Variants in TMED3 observed in about 807,000 individuals in gnomAD.
The protein encoded by TMED3 is transmembrane p24 trafficking protein 3.
In TMED3, 9 loss-of-function variants were observed where a neutral mutation model predicts 15.0. The ratio of observed to expected loss-of-function variants is 0.60; its 90% CI spans 0.36 to 1.04. The LOEUF (loss-of-function observed/expected upper bound fraction) is 1.04. TMED3 is among the 50% of genes least tolerant of loss of function. TMED3 has a pLI of 0.01. For missense variants in TMED3, 267 were observed against 278.9 expected, an observed-to-expected ratio of 0.96 and a Z score of 0.30; for synonymous variants, 117 against 121.4, an observed-to-expected ratio of 0.96 and a Z score of 0.24.
intron 2 of TMED3, among the ~76,000 whole-genome samples, chr15:79,398,056 C>G (rs570846340): frequency 6.6e-6 from 1 of 152,252 alleles, no homozygotes; most frequent in African/African-American, 2.4e-5. Context: ...TGGTTTTGGA[C>G]AAATGCATAA....
chr15:79,338,703 A>C (rs1233538869), intron 2 of TMED3, among the ~76,000 whole-genome samples: 4 of 152,160 alleles, frequency 2.6e-5, no homozygotes, highest in African/African-American at 9.7e-5. Flanking sequence ...CAGGCCATAC[A>C]GAGATAAGAG....
chr15:79,313,192 A>C (rs1394553022), intron 1 of TMED3, among the ~76,000 whole-genome samples: 1 of 152,110 alleles, frequency 6.6e-6, no homozygotes, highest in Non-Finnish European at 1.5e-5. Context: ...TCTTGTGTTA[A>C]GTATTGAACA....
chr15:79,339,282 T>C (rs1204346294), intron 2 of TMED3, among the ~76,000 whole-genome samples: 1 of 152,142 alleles, frequency 6.6e-6, no homozygotes, highest in Non-Finnish European at 1.5e-5. Context: ...TCCTGCCCCT[T>C]TGTCTTGTAT....
chr15:79,364,760 C>A (rs1388837266), intron 2 of TMED3, among the ~76,000 whole-genome samples: 1 of 151,676 alleles, frequency 6.6e-6, no homozygotes. Context: ...GATGGCCAAA[C>A]TCTAGGGGCA....
intron 2 of TMED3, among the ~76,000 whole-genome samples, chr15:79,404,355 G>A (rs569570682): frequency 6.6e-6 from 1 of 152,292 alleles, no homozygotes; most frequent in African/African-American, 2.4e-5. Flanking sequence ...ACATTTAGCT[G>A]CATCAGTAGT....
intron 2 of TMED3, chr15:79,383,071 T>G: frequency 4.6e-6 from 7 of 1,510,686 alleles, no homozygotes; most frequent in Non-Finnish European, 5.3e-6. Context: ...CTGTGCATGC[T>G]CCACGGGACA....
At chr15:79,342,717 T>TAGTC (rs1263599768) in intron 2 of TMED3, among the ~76,000 whole-genome samples, 1 of 152,142 alleles carries the variant, frequency 6.6e-6, no homozygotes, top group Non-Finnish European at 1.5e-5. Context: ...CACAAAAGAT[T>TAGTC]AGTCATCTTA....
intron 1 of TMED3, among the ~76,000 whole-genome samples, chr15:79,313,121 A>G (rs190940670): frequency 4.3e-4 from 66 of 152,336 alleles, no homozygotes; most frequent in Admixed American, 1.0e-3. Flanking sequence ...GAATAAAGTA[A>G]CTTGTCTAGG....
Position 79,366,440 on chromosome 15 carries a change from C to G in TMED3, c.418-44960C>G, listed in dbSNP as rs528086197. Among the ~76,000 whole-genome samples, 10 of 152,318 alleles carry G rather than the reference C, an allele frequency of 6.6e-5. No individual in the cohort carries two copies. The South Asian group carries it at 2.1e-3, about 32-fold the overall frequency. ...CTGGCCCAGATAGTCACCGCTCATC[C>G]GCAACATTTAGTTTCTATAGAGAAC... On this transcript the variant is annotated intron_variant, in intron 2 of 2. Coordinates refer to the TMED3 transcript ENST00000424155.
At chr15:79,404,077 T>C (rs539451046) in intron 2 of TMED3, among the ~76,000 whole-genome samples, 2 of 152,220 alleles carry the variant, frequency 1.3e-5, no homozygotes, top group South Asian at 4.1e-4. Flanking sequence ...TCACACACCT[T>C]CTTTGTCATA....
intron 2 of TMED3, among the ~76,000 whole-genome samples, chr15:79,367,454 A>G (rs1286199517): frequency 1.3e-5 from 2 of 152,212 alleles, no homozygotes; most frequent in African/African-American, 4.8e-5. Context: ...GGCAGCATCT[A>G]ACACCTCTTC....
At position 79,322,399 on chromosome 15, in the gene TMED3, A is replaced by G. The variant is rs2058771841; in HGVS notation, c.*185A>G. ...GCAGCTGAAGGTCTCAGAGACCAGTAATCAGAAGGCATCCGACTGCATTAA... is the reference window on the plus strand; with the variant it reads ...GCAGCTGAAGGTCTCAGAGACCAGTGATCAGAAGGCATCCGACTGCATTAA... On this transcript the variant is annotated 3_prime_UTR_variant, in exon 3 of 3. Coordinates refer to ENST00000299705, the MANE Select transcript of TMED3 (RefSeq NM_007364.4). 2 of 1,430,750 alleles carry G rather than the reference A, an allele frequency of 1.4e-6. No individual in the cohort carries two copies. The highest frequency in any genetic ancestry group is 2.9e-5 in the African/African-American group (2 of 69,744). The allele number at this position is 1,430,750 out of a possible 1,614,324, so 88.6% of individuals were successfully genotyped here.
chr15:79,368,166 T>G (rs1893272217), intron 2 of TMED3, among the ~76,000 whole-genome samples: 1 of 152,226 alleles, frequency 6.6e-6, no homozygotes, highest in African/African-American at 2.4e-5. Context: ...TAAGTTACTA[T>G]TACCTTCTTG....
intron 2 of TMED3, among the ~76,000 whole-genome samples, chr15:79,392,866 T>A (rs1893714639): frequency 6.6e-6 from 1 of 152,222 alleles, no homozygotes; most frequent in African/African-American, 2.4e-5. Context: ...GACACAAAGC[T>A]AAAGGCTGTA....
intron 2 of TMED3, among the ~76,000 whole-genome samples, chr15:79,341,848 C>G (rs942398830): frequency 1.1e-4 from 16 of 152,128 alleles, no homozygotes; most frequent in African/African-American, 3.9e-4. Context: ...GCTGTCACAA[C>G]TGGGGAGGAG....
At chr15:79,337,052 G>T (rs535928030) in intron 2 of TMED3, among the ~76,000 whole-genome samples, 1 of 152,322 alleles carries the variant, frequency 6.6e-6, no homozygotes, top group East Asian at 1.9e-4. Flanking sequence ...AGAATCTATT[G>T]GATCTATCTG....
chr15:79,333,406 T>C (rs1307913238), intron 2 of TMED3, among the ~76,000 whole-genome samples: 3 of 152,232 alleles, frequency 2.0e-5, no homozygotes, highest in Admixed American at 6.5e-5. Flanking sequence ...TTAGGTTATG[T>C]AGAAAGCAAC....
chr15:79,390,142 A>G (rs1893678426), intron 2 of TMED3, among the ~76,000 whole-genome samples: 1 of 152,100 alleles, frequency 6.6e-6, no homozygotes, highest in African/African-American at 2.4e-5. Context: ...AAGAATGGTG[A>G]GAGTGGGCTT....
intron 2 of TMED3, among the ~76,000 whole-genome samples, chr15:79,315,739 C>G (rs149032107): frequency 2.0e-5 from 3 of 152,356 alleles, no homozygotes; most frequent in Admixed American, 6.5e-5. Context: ...TTCCACTTCT[C>G]TTACCCCGCC....
Sources: allele counts gnomAD v4.1 joint callset (sites outside exome capture counted in the v4.1 genomes callset), GRCh38; gene constraint gnomAD v4.1.1; transcripts MANE v1.5; gene names NCBI Gene and HGNC (gene_info 2026-07-23, HGNC 2026-07-21).